MED26: variants seen among roughly 807,000 people sequenced by gnomAD.
MED26 encodes mediator complex subunit 26, also known as mediator of RNA polymerase II transcription subunit 26.
Under a neutral mutation model 43.7 loss-of-function variants are expected in MED26, and 7 were observed. That is an observed-to-expected ratio of 0.16 (90% CI 0.09 to 0.30). The LOEUF is 0.30. MED26 is among the 10% of genes least tolerant of loss of function. MED26 has a pLI of 1.00. For missense variants in MED26, 784 were observed against 840.6 expected (o/e 0.93, Z 0.83); for synonymous variants, 375 against 371.1 (o/e 1.01, Z -0.12).
At chr19:16,578,016 C>T (rs1039758404) in intron 2 of MED26, 12 of 482,034 alleles carry the variant, frequency 2.5e-5, no homozygotes, top group African/African-American at 1.8e-4. Context: ...GTGGCCGAGG[C>T]GACAGCACAG....
intron 1 of MED26, among the ~76,000 whole-genome samples, chr19:16,608,304 A>C (rs757796970): frequency 4.6e-5 from 7 of 152,256 alleles, no homozygotes; most frequent in Admixed American, 1.3e-4. Context: ...CAAAGGAGGA[A>C]GTTTTCAGTA....
intron 1 of MED26, among the ~76,000 whole-genome samples, chr19:16,605,902 C>A (rs1421883712): frequency 1.3e-5 from 2 of 152,206 alleles, no homozygotes. Context: ...GTCTTCCTAT[C>A]GAACTCCTGG....
intron 1 of MED26, among the ~76,000 whole-genome samples, chr19:16,615,750 G>A (rs2086222996): frequency 1.4e-5 from 2 of 147,398 alleles, no homozygotes; most frequent in Non-Finnish European, 3.0e-5. Flanking sequence ...CATCTCTGGG[G>A]GAGAAAAAAA....
At chr19:16,618,589 C>T (rs924005660) in intron 1 of MED26, among the ~76,000 whole-genome samples, 1 of 152,112 alleles carries the variant, frequency 6.6e-6, no homozygotes, top group African/African-American at 2.4e-5. Flanking sequence ...CCATTTTTTT[C>T]CCCAAAAACT....
Position 16,577,360 on chromosome 19 carries a change from C to G in MED26, c.470G>C (p.Gly157Ala). ...RKRRGDQRDL[G>A]HPGPPPKVSK... Reference sequence around the variant, plus strand: ...GACCTTGGGTGGCGGCCCTGGGTGGCCGAGGTCACGCTGGTCACCCCGGCG... The same window carrying G: ...GACCTTGGGTGGCGGCCCTGGGTGGGCGAGGTCACGCTGGTCACCCCGGCG... Residue 157 changes from glycine to alanine, a missense_variant, in exon 3 of 3, where the codon GGC (glycine) becomes GCC (alanine). Gly to Ala is a moderately conservative substitution (Grantham distance 60). This residue lies in a region of MED26 where 719 missense variants were observed against 730.9 expected (regional missense o/e 0.98). Coordinates refer to ENST00000263390, the MANE Select transcript of MED26 (RefSeq NM_004831.5). This position sits in a 1 kb window ranked among gnomAD's most constrained non-coding sequence, Gnocchi z 8.1. The G allele has an allele frequency of 6.2e-7, 1 of 1,611,454 alleles. No individual in the cohort carries two copies. The highest frequency in any genetic ancestry group is 8.5e-7 in the Non-Finnish European group (1 of 1,179,090).
Position 16,593,520 on chromosome 19 carries a change from G to C in MED26, c.73-15111C>G, listed in dbSNP as rs551880207. Among the ~76,000 whole-genome samples, 77 of 152,328 alleles carry C rather than the reference G, an allele frequency of 5.1e-4. 1 individual carries two copies. In the South Asian group the frequency reaches 0.015, roughly 30 times the overall value. ...CTCCTAAGTGCCTAGAACAGTGCCT[G>C]GCAACTAGCAGGGACTTGATACATG... On this transcript the variant is annotated intron_variant, in intron 1 of 2. Coordinates refer to ENST00000263390, the MANE Select transcript of MED26 (RefSeq NM_004831.5).
intron 1 of MED26, among the ~76,000 whole-genome samples, chr19:16,614,648 T>C (rs998179817): frequency 2.6e-5 from 4 of 152,184 alleles, no homozygotes; most frequent in African/African-American, 7.2e-5. Context: ...CACTGGGTCC[T>C]GTCGACGGCT....
rs1421485079 is a variant in MED26, at chr19:16,575,530, GCAAA to G, written c.*493_*496del. 1.3e-5 allele frequency: 2 copies of G among 158,264 alleles called. No homozygotes were observed. The highest frequency in any genetic ancestry group is 6.0e-5 in the Admixed American group (1 of 16,534). The allele number at this position is 158,264 out of a possible 1,614,324, so 9.8% of individuals were successfully genotyped here. On this transcript the variant is annotated 3_prime_UTR_variant, in exon 3 of 3. Coordinates refer to ENST00000263390, the MANE Select transcript of MED26 (RefSeq NM_004831.5). ...TGGCCTGACAGTGGCTGGGTAGGGA[GCAAA>G]CAGAGGCAGTGGCATGGCCCACTGT...
chr19:16,575,232 C>A lies in MED26; in HGVS notation c.*795G>T, dbSNP rs1357955293. The A allele has an allele frequency of 6.6e-6, 1 of 152,004 alleles. No individual in the cohort carries two copies. Among genetic ancestry groups the A allele is most frequent in the East Asian group, 1.9e-4 (1 of 5,174 alleles). The allele number at this position is 152,004 out of a possible 1,614,324, so 9.4% of individuals were successfully genotyped here. On this transcript the variant is annotated 3_prime_UTR_variant, in exon 3 of 3. Transcript: ENST00000263390. ...GGGGACTCTAGAAAGGTGAAGTTTTCTAGATGTGTACAGGAAGGGAAAAAA... is the reference window on the plus strand; with the variant it reads ...GGGGACTCTAGAAAGGTGAAGTTTTATAGATGTGTACAGGAAGGGAAAAAA...
chr19:16,579,109 TAATA>T (rs1302798057), intron 1 of MED26, among the ~76,000 whole-genome samples: 6 of 151,696 alleles, frequency 4.0e-5, no homozygotes, highest in Non-Finnish European at 7.4e-5. Context: ...TAAAAAATAA[TAATA>T]ATAATAATAA....
At chr19:16,598,322 G>A (rs986632538) in intron 1 of MED26, among the ~76,000 whole-genome samples, 3 of 107,200 alleles carry the variant, frequency 2.8e-5, no homozygotes, top group African/African-American at 1.1e-4. Context: ...GGGCGACAGA[G>A]TAAGATTCCA....
chr19:16,593,202 C>T (rs1471710769), intron 1 of MED26, among the ~76,000 whole-genome samples: 1 of 152,228 alleles, frequency 6.6e-6, no homozygotes, highest in African/African-American at 2.4e-5. Flanking sequence ...CTGCATATTT[C>T]ATCGGCACCC....
intron 1 of MED26, among the ~76,000 whole-genome samples, chr19:16,598,023 C>G (rs1599339173): frequency 1.3e-5 from 2 of 152,056 alleles, no homozygotes. Context: ...TTGTGCCCAG[C>G]CTCTAAGGCT....
chr19:16,609,450 C>T (rs78439294), intron 1 of MED26, among the ~76,000 whole-genome samples: 7,872 of 151,580 alleles, frequency 0.052, 277 homozygotes, highest in South Asian at 0.065. Context: ...CTATATGGAA[C>T]TGACAACAGT....
At chr19:16,579,395 C>T (rs922308500) in intron 1 of MED26, among the ~76,000 whole-genome samples, 2 of 152,214 alleles carry the variant, frequency 1.3e-5, no homozygotes, top group South Asian at 2.1e-4. Flanking sequence ...ACATGATACA[C>T]GTGCCCCACT....
chr19:16,577,769 A>G lies in MED26; in HGVS notation c.148-87T>C, dbSNP rs2086020114. On this transcript the variant is annotated intron_variant, in intron 2 of 2. Transcript: ENST00000263390. This position sits in a 1 kb window ranked among gnomAD's most constrained non-coding sequence, Gnocchi z 8.1. ...AGAAATGGTGGGAAGTGGCCCTGACAGTGAAATGACCCGGTTCCCACTGAG... is the reference window on the plus strand; with the variant it reads ...AGAAATGGTGGGAAGTGGCCCTGACGGTGAAATGACCCGGTTCCCACTGAG... The G allele has an allele frequency of 3.6e-6, 4 of 1,105,056 alleles. No individual in the cohort carries two copies. Among genetic ancestry groups the G allele is most frequent in the Admixed American group, 2.5e-5 (1 of 40,092 alleles). The allele number at this position is 1,105,056 out of a possible 1,614,324, so 68.5% of individuals were successfully genotyped here.
At chr19:16,583,057 C>T (rs1320875081) in intron 1 of MED26, among the ~76,000 whole-genome samples, 1 of 152,250 alleles carries the variant, frequency 6.6e-6, no homozygotes, top group African/African-American at 2.4e-5. Context: ...AATCTCAGCA[C>T]AGACACAGTT....
intron 1 of MED26, among the ~76,000 whole-genome samples, chr19:16,609,779 A>G (rs1413994919): frequency 1.3e-5 from 2 of 152,008 alleles, no homozygotes; most frequent in Non-Finnish European, 2.9e-5. Context: ...GCCAACTCAT[A>G]AATTTTTCAA....
rs1248537497 is a variant in MED26, at chr19:16,575,733, TA to T, written c.*293del. On this transcript the variant is annotated 3_prime_UTR_variant, in exon 3 of 3. Transcript: ENST00000263390. The stretch of plus-strand genomic sequence containing the variant: ...CCGCACCTCTTTGGGGGTGAGGGAC[TA>T]ACGCTTTTTATAGCTGGTTTGCTAT... The T allele has an allele frequency of 1.0e-5, 4 of 397,580 alleles. No homozygotes were observed. The highest frequency in any genetic ancestry group is 7.8e-5 in the Admixed American group (2 of 25,628). 24.6% of individuals were successfully genotyped at this position (397,580 alleles called of 1,614,324 possible).
Sources: gnomAD v4.1 joint callset for allele counts (sites outside exome capture counted in the v4.1 genomes callset) on GRCh38, gnomAD v4.1.1 for gene constraint, gnomAD v4.1.1 regional missense constraint, Gnocchi (gnomAD v3.1) non-coding constraint, MANE v1.5 for transcripts, NCBI Gene and HGNC (gene_info 2026-07-23, HGNC 2026-07-21) for gene names.